Variants in MICU2 observed in about 807,000 individuals in gnomAD.
MICU2 encodes the protein calcium uptake protein 2, mitochondrial.
In MICU2, 64 loss-of-function variants were observed where a neutral mutation model predicts 60.4. The ratio of observed to expected loss-of-function variants is 1.06; its 90% CI spans 0.87 to 1.31. The LOEUF is 1.31. MICU2 is among the 50% of genes most tolerant of loss of function. The pLI is 0.00. For synonymous variants in MICU2, 201 were observed against 175.0 expected (o/e 1.15, Z -1.17); for missense variants, 569 against 531.0 (o/e 1.07, Z -0.70).
At chr13:21,591,385 C>A (rs1044644118) in intron 1 of MICU2, among the ~76,000 whole-genome samples, 1 of 152,106 alleles carries the variant, frequency 6.6e-6, no homozygotes, top group Non-Finnish European at 1.5e-5. Flanking sequence ...TTGTTAGAGA[C>A]CTACAAAGAG....
At chr13:21,533,518 T>C (rs867521334) in intron 4 of MICU2, among the ~76,000 whole-genome samples, 9 of 151,672 alleles carry the variant, frequency 5.9e-5, no homozygotes, top group Middle Eastern at 3.2e-3. Context: ...AGAGACGGGG[T>C]TTCACCGTGT....
chr13:21,585,841 TCA>T (rs1888444492), intron 1 of MICU2, among the ~76,000 whole-genome samples: 1 of 152,266 alleles, frequency 6.6e-6, no homozygotes, highest in South Asian at 2.1e-4. Flanking sequence ...CAGATTGTAC[TCA>T]CAAAATAAAA....
At chr13:21,550,332 T>C (rs528671962) in intron 2 of MICU2, among the ~76,000 whole-genome samples, 226 of 152,072 alleles carry the variant, frequency 1.5e-3, no homozygotes, top group Non-Finnish European at 2.8e-3. Flanking sequence ...AAGCCAGGAG[T>C]TCAAGACCAG....
intron 1 of MICU2, among the ~76,000 whole-genome samples, chr13:21,595,969 T>G: frequency 6.6e-6 from 1 of 152,254 alleles, no homozygotes; most frequent in East Asian, 1.9e-4. Flanking sequence ...TTAAATTTCC[T>G]TCTTCAAATT....
chr13:21,601,130 G>A (rs1431030266), intron 1 of MICU2, among the ~76,000 whole-genome samples: 2 of 152,130 alleles, frequency 1.3e-5, no homozygotes, highest in African/African-American at 4.8e-5. Flanking sequence ...GCCGCGTCAG[G>A]AAGAGTTTAC....
At chr13:21,539,838 C>T in intron 2 of MICU2, 150 bp from the exon 3 acceptor site, 1 of 680,684 alleles carries the variant, frequency 1.5e-6, no homozygotes, top group Admixed American at 3.0e-5. Flanking sequence ...TATCCTTAAG[C>T]CATAATCATG....
intron 1 of MICU2, among the ~76,000 whole-genome samples, chr13:21,568,306 A>G (rs1393748598): frequency 1.3e-5 from 2 of 152,180 alleles, no homozygotes; most frequent in Non-Finnish European, 2.9e-5. Context: ...GGCTTCCTTG[A>G]GCAGCTAGTT....
intron 1 of MICU2, among the ~76,000 whole-genome samples, chr13:21,571,635 T>C (rs948878912): frequency 6.6e-6 from 1 of 152,168 alleles, no homozygotes; most frequent in Non-Finnish European, 1.5e-5. Context: ...GAGGTGGAGC[T>C]TGCAGTGAGC....
intron 9 of MICU2, among the ~76,000 whole-genome samples, chr13:21,498,569 G>C (rs1325290043): frequency 6.6e-6 from 1 of 151,722 alleles, no homozygotes; most frequent in Admixed American, 6.6e-5. Context: ...AGTAGAGATG[G>C]GGTTTCACCA....
At position 21,522,916 on chromosome 13, in the gene MICU2, T is replaced by C. The variant is rs541335933; in HGVS notation, c.467-266A>G. On this transcript the variant is annotated intron_variant, in intron 4 of 11. Coordinates refer to ENST00000382374, the MANE Select transcript of MICU2 (RefSeq NM_152726.3). The stretch of plus-strand genomic sequence containing the variant: ...TGACTGTGTCACAGACTGAACATCT[T>C]GAGTGTCCAGATTAAACATCATTTC... 3.0e-3 allele frequency among the ~76,000 whole-genome samples: 452 copies of C among 152,348 alleles called. 4 individuals are homozygous for C. In the South Asian group the frequency reaches 0.04, roughly 13 times the overall value.
At chr13:21,526,389 T>C (rs1376676233) in intron 4 of MICU2, among the ~76,000 whole-genome samples, 2 of 152,186 alleles carry the variant, frequency 1.3e-5, no homozygotes, top group Non-Finnish European at 2.9e-5. Context: ...TTCTGATGAC[T>C]GTATGTCCTT....
At chr13:21,523,922 G>A (rs565526930) in intron 4 of MICU2, among the ~76,000 whole-genome samples, 49 of 152,288 alleles carry the variant, frequency 3.2e-4, no homozygotes, top group African/African-American at 1.1e-3. Context: ...TTTAGAGCAC[G>A]AGAATGTAGC....
At chr13:21,514,680 C>T (rs1325909393) in intron 6 of MICU2, among the ~76,000 whole-genome samples, 2 of 150,972 alleles carry the variant, frequency 1.3e-5, no homozygotes, top group Non-Finnish European at 2.9e-5. Context: ...CTACAGGCGC[C>T]CGCCACCACT....
intron 2 of MICU2, among the ~76,000 whole-genome samples, chr13:21,552,827 C>T (rs1887606253): frequency 6.6e-6 from 1 of 152,174 alleles, no homozygotes; most frequent in Non-Finnish European, 1.5e-5. Flanking sequence ...GTTTTGGTTA[C>T]TGTAGCCTTG....
intron 1 of MICU2, among the ~76,000 whole-genome samples, chr13:21,588,060 C>G (rs1324850639): frequency 6.6e-6 from 1 of 152,066 alleles, no homozygotes; most frequent in Non-Finnish European, 1.5e-5. Context: ...GGAGTCTTGC[C>G]CCCCGATGTA....
intron 2 of MICU2, among the ~76,000 whole-genome samples, chr13:21,541,386 A>C (rs1310456872): frequency 3.9e-5 from 6 of 152,204 alleles, no homozygotes; most frequent in African/African-American, 1.4e-4. Context: ...ACCACAATAA[A>C]GTCATGAATT....
chr13:21,573,218 A>G (rs1487241700), intron 1 of MICU2, among the ~76,000 whole-genome samples: 1 of 152,234 alleles, frequency 6.6e-6, no homozygotes, highest in Non-Finnish European at 1.5e-5. Flanking sequence ...CATGTCAAAT[A>G]AAATTATACC....
At chr13:21,537,658 A>G (rs1887166517) in intron 4 of MICU2, among the ~76,000 whole-genome samples, 2 of 151,848 alleles carry the variant, frequency 1.3e-5, no homozygotes, top group African/African-American at 4.8e-5. Context: ...TTTAGTAGAG[A>G]CAGGGTTTCC....
intron 1 of MICU2, among the ~76,000 whole-genome samples, chr13:21,601,869 G>A (rs1378243107): frequency 6.6e-6 from 1 of 152,130 alleles, no homozygotes; most frequent in Non-Finnish European, 1.5e-5. Context: ...ACTCTGGGAG[G>A]CCAAGGCAGG....
Sources: allele counts gnomAD v4.1 joint callset (sites outside exome capture counted in the v4.1 genomes callset), GRCh38; gene constraint gnomAD v4.1.1; transcripts MANE v1.5; gene names NCBI Gene and HGNC (gene_info 2026-07-23, HGNC 2026-07-21).